The following CRB1 variants were observed in gnomAD, a reference collection of about 807,000 sequenced individuals.
CRB1 encodes crumbs cell polarity complex component 1, also known as protein crumbs homolog 1.
Under a neutral mutation model 120.0 loss-of-function variants are expected in CRB1, and 83 were observed. That is an observed-to-expected ratio of 0.69 (90% CI 0.58 to 0.83). CRB1 has a LOEUF of 0.83. CRB1 is among the 40% of genes least tolerant of loss of function. The pLI is 0.00. For synonymous variants in CRB1, 625 were observed against 612.5 expected, an observed-to-expected ratio of 1.02 and a Z score of -0.30; for missense variants, 1,699 against 1,687.6, an observed-to-expected ratio of 1.01 and a Z score of -0.12.
Position 197,477,923 on chromosome 1 carries a change from G to A in CRB1, c.*44G>A. The stretch of plus-strand genomic sequence containing the variant: ...AGATGGGGATCCACACACTGTGAAT[G>A]TGATGACTGTACTTCAGGTATCTCT... On this transcript the variant is annotated 3_prime_UTR_variant, in exon 12 of 12. Coordinates refer to ENST00000367400, the MANE Select transcript of CRB1 (RefSeq NM_201253.3). 1 of 1,564,564 alleles carries A rather than the reference G, an allele frequency of 6.4e-7. No homozygotes were observed. The highest frequency in any genetic ancestry group is 1.1e-5 in the South Asian group (1 of 89,986).
chr1:197,471,936 A>T (rs1190239600), intron 11 of CRB1, among the ~76,000 whole-genome samples: 2 of 152,174 alleles, frequency 1.3e-5, no homozygotes, highest in Admixed American at 6.5e-5. Flanking sequence ...TTCCTTTTTT[A>T]AAAAAGTTAG....
intron 5 of CRB1, among the ~76,000 whole-genome samples, chr1:197,371,484 A>G (rs1661368100): frequency 6.6e-6 from 1 of 152,082 alleles, no homozygotes; most frequent in Non-Finnish European, 1.5e-5. Flanking sequence ...TGTTACCCTA[A>G]GTTGATCATC....
At chr1:197,304,322 A>G (rs535836467) in intron 1 of CRB1, 3 of 733,374 alleles carry the variant, frequency 4.1e-6, no homozygotes, top group Non-Finnish European at 5.0e-6. Flanking sequence ...ACATTTTAAA[A>G]TATATTGATT....
intron 11 of CRB1, among the ~76,000 whole-genome samples, chr1:197,457,187 A>G (rs1666321605): frequency 6.6e-6 from 1 of 152,050 alleles, no homozygotes; most frequent in East Asian, 1.9e-4. Flanking sequence ...GTTGCCATAC[A>G]ATCCTAAGTA....
intron 2 of CRB1, among the ~76,000 whole-genome samples, chr1:197,342,384 C>G: frequency 6.6e-6 from 1 of 152,308 alleles, no homozygotes. Flanking sequence ...AAGAATGTGT[C>G]TGTCATTGCT....
At chr1:197,256,616 A>G in the CRB1 span, among the ~76,000 whole-genome samples, 2 of 152,100 alleles carry the variant, frequency 1.3e-5, no homozygotes, top group South Asian at 2.1e-4. Context: ...GCTACGTGGC[A>G]TGAAATTCTA....
At chr1:197,348,051 A>C (rs1335157240) in intron 4 of CRB1, among the ~76,000 whole-genome samples, 2 of 152,228 alleles carry the variant, frequency 1.3e-5, no homozygotes, top group African/African-American at 4.8e-5. Context: ...CTAATTTTGC[A>C]AAACAAACTG....
chr1:197,245,202 C>A, the CRB1 span, among the ~76,000 whole-genome samples: 1 of 152,018 alleles, frequency 6.6e-6, no homozygotes, highest in Non-Finnish European at 1.5e-5. Context: ...CTAATGCTAT[C>A]CCTCCCCACT....
At chr1:197,424,403 C>G (rs1175500639) in intron 6 of CRB1, among the ~76,000 whole-genome samples, 2 of 152,134 alleles carry the variant, frequency 1.3e-5, no homozygotes, top group African/African-American at 4.8e-5. Context: ...AGAAAAGTAT[C>G]TCGAGCCATC....
chr1:197,351,771 G>T (rs1002935161), intron 4 of CRB1, among the ~76,000 whole-genome samples: 47 of 152,100 alleles, frequency 3.1e-4, no homozygotes, highest in African/African-American at 1.1e-3. Context: ...AATGATGTGG[G>T]GAGTGAGAAA....
the CRB1 span, among the ~76,000 whole-genome samples, chr1:197,232,283 C>T: frequency 6.6e-6 from 1 of 152,064 alleles, no homozygotes; most frequent in South Asian, 2.1e-4. Flanking sequence ...TTTTGTGTTG[C>T]TTTAGGCTAC....
At chr1:197,354,729 C>G (rs1425034827) in intron 4 of CRB1, among the ~76,000 whole-genome samples, 2 of 145,112 alleles carry the variant, frequency 1.4e-5, no homozygotes, top group Non-Finnish European at 3.0e-5. Flanking sequence ...CAAGCAAAAG[C>G]ACAAAGCCTC....
rs905316098 is a variant in CRB1, at chr1:197,426,101, T to C, written c.2129-1353T>C. On this transcript the variant is annotated intron_variant, in intron 6 of 11. Transcript: ENST00000367400. The stretch of plus-strand genomic sequence containing the variant: ...CAAAAATCTTTTCCTCCAGTTTTCT[T>C]CCGTATCTCTGCAAATAGAAAGTCC... Among the ~76,000 whole-genome samples, 3 of 152,026 alleles carry C rather than the reference T, an allele frequency of 2.0e-5. No homozygotes were observed. In the South Asian group the frequency reaches 6.2e-4, roughly 32 times the overall value.
At chr1:197,223,325 G>A in the CRB1 span, 3 of 600,318 alleles carry the variant, frequency 5.0e-6, no homozygotes, top group Non-Finnish European at 6.0e-6. Context: ...ATCATACATT[G>A]TGGTTTAAAG....
intron 1 of CRB1, among the ~76,000 whole-genome samples, chr1:197,285,932 TTC>T (rs1418493621): frequency 6.6e-5 from 10 of 151,880 alleles, no homozygotes; most frequent in African/African-American, 2.4e-4. Flanking sequence ...CAGAATCTCT[TTC>T]TCTCCTTTTT....
At chr1:197,280,355 T>G (rs1655451852) in intron 1 of CRB1, among the ~76,000 whole-genome samples, 1 of 151,894 alleles carries the variant, frequency 6.6e-6, no homozygotes, top group Admixed American at 6.6e-5. Flanking sequence ...GTTCCACCTG[T>G]GAATAATAAT....
chr1:197,309,738 G>T (rs1448602302), intron 1 of CRB1, among the ~76,000 whole-genome samples: 2 of 147,590 alleles, frequency 1.4e-5, no homozygotes, highest in African/African-American at 2.5e-5. Context: ...TGATAACAGA[G>T]CAAGACTACA....
At chr1:197,228,421 A>G in the CRB1 span, among the ~76,000 whole-genome samples, 1 of 152,142 alleles carries the variant, frequency 6.6e-6, no homozygotes, top group Non-Finnish European at 1.5e-5. Flanking sequence ...AGTTCCACAA[A>G]TCTCTAGGGC....
At chr1:197,466,497 A>G (rs995558637) in intron 11 of CRB1, among the ~76,000 whole-genome samples, 2 of 152,182 alleles carry the variant, frequency 1.3e-5, no homozygotes, top group African/African-American at 2.4e-5. Flanking sequence ...AATCCTCAGT[A>G]AAATAAGCTT....
Sources: gnomAD v4.1 joint callset for allele counts (sites outside exome capture counted in the v4.1 genomes callset) on GRCh38, gnomAD v4.1.1 for gene constraint, MANE v1.5 for transcripts, NCBI Gene and HGNC (gene_info 2026-07-23, HGNC 2026-07-21) for gene names.